ADAMTS19: variants seen among roughly 807,000 people sequenced by gnomAD.
ADAMTS19 encodes the protein ADAM metallopeptidase with thrombospondin type 1 motif 19.
A neutral mutation model predicts 153.3 loss-of-function variants in ADAMTS19; 93 were observed. That is an observed-to-expected ratio of 0.61 (90% confidence interval 0.51 to 0.72). ADAMTS19 has a LOEUF of 0.72. ADAMTS19 is among the 30% of genes least tolerant of loss of function. The pLI, the probability that ADAMTS19 is intolerant of heterozygous loss-of-function variation, is 0.00. For synonymous variants in ADAMTS19, 600 were observed against 556.6 expected (o/e 1.08, Z -1.10); for missense variants, 1,482 against 1,552.1 (o/e 0.95, Z 0.76).
intron 16 of ADAMTS19, among the ~76,000 whole-genome samples, chr5:129,674,964 G>A (rs1754490377): frequency 6.6e-6 from 1 of 151,858 alleles, no homozygotes; most frequent in Non-Finnish European, 1.5e-5. Context: ...AATTTTGTTT[G>A]TCTGAATATA....
At chr5:129,590,200 A>G (rs1750043661) in intron 7 of ADAMTS19, among the ~76,000 whole-genome samples, 1 of 152,174 alleles carries the variant, frequency 6.6e-6, no homozygotes, top group Non-Finnish European at 1.5e-5. Flanking sequence ...AATCAGTTAT[A>G]TATCTTATCT....
intron 21 of ADAMTS19, among the ~76,000 whole-genome samples, chr5:129,732,726 T>A (rs1237002191): frequency 6.6e-6 from 1 of 152,020 alleles, no homozygotes; most frequent in African/African-American, 2.4e-5. Context: ...ATCATTAAAA[T>A]GACCATACTA....
At chr5:129,681,591 C>G (rs894670310) in intron 17 of ADAMTS19, among the ~76,000 whole-genome samples, 13 of 152,212 alleles carry the variant, frequency 8.5e-5, no homozygotes, top group Admixed American at 4.6e-4. Flanking sequence ...TCAATGTGCT[C>G]AGTGTTGTCC....
intron 6 of ADAMTS19, among the ~76,000 whole-genome samples, chr5:129,539,774 C>T (rs908777022): frequency 6.6e-6 from 1 of 152,024 alleles, no homozygotes; most frequent in African/African-American, 2.4e-5. Context: ...AAAGTACTTG[C>T]TCTGTCAAAG....
At chr5:129,519,680 A>T (rs1033965108) in intron 3 of ADAMTS19, among the ~76,000 whole-genome samples, 1 of 151,208 alleles carries the variant, frequency 6.6e-6, no homozygotes, top group Non-Finnish European at 1.5e-5. Flanking sequence ...AAGCGGAAAG[A>T]TTTTTAAGAA....
At position 129,526,277 on chromosome 5, in the gene ADAMTS19, G is replaced by A. The variant is rs776150268; in HGVS notation, c.914-7G>A. On this transcript the variant is annotated splice_polypyrimidine_tract_variant and splice_region_variant and intron_variant, in intron 3 of 22. Transcript: ENST00000274487. ...GGTGCATTGAAAAATTCAATTCTCT[G>A]TTGCAGATAAAGGAAGACCTAGGTC... The A allele has an allele frequency of 3.2e-6, 5 of 1,555,606 alleles. No individual in the cohort carries two copies. In the African/African-American group the frequency reaches 7.0e-5, roughly 22 times the overall value.
chr5:129,719,767 G>T (rs755391458), intron 21 of ADAMTS19, among the ~76,000 whole-genome samples: 2 of 152,178 alleles, frequency 1.3e-5, no homozygotes, highest in African/African-American at 2.4e-5. Flanking sequence ...TCAGCTGGGC[G>T]CAGTGGCCCA....
At chr5:129,631,756 G>A (rs1752307808) in intron 10 of ADAMTS19, among the ~76,000 whole-genome samples, 1 of 151,742 alleles carries the variant, frequency 6.6e-6, no homozygotes, top group African/African-American at 2.4e-5. Context: ...TGAGCCTCTT[G>A]TAGTATAAGC....
Position 129,701,424 on chromosome 5 carries a change from T to C in ADAMTS19, c.2991T>C (p.Thr997=), listed in dbSNP as rs1270864187. 4 of 1,614,204 alleles carry C rather than the reference T, an allele frequency of 2.5e-6. No individual in the cohort carries two copies. The highest frequency in any genetic ancestry group is 2.2e-5 in the East Asian group (1 of 44,890). ...CAGAATGGACCCCTTGTTCACGAAC[T>C]TGTGGAAAAGGAATGCAGAGCAGAC... is the stretch of plus-strand genomic sequence containing the variant. ...MMTEWTPCSR[T]CGKGMQSRQV... The change falls in exon 20 of 23, where the codon ACT becomes ACC. Residue 997 remains threonine (T), a synonymous_variant. Coordinates refer to ENST00000274487, the MANE Select transcript of ADAMTS19 (RefSeq NM_133638.6).
chr5:129,690,876 T>C (rs1452258602), intron 18 of ADAMTS19, among the ~76,000 whole-genome samples: 1 of 152,002 alleles, frequency 6.6e-6, no homozygotes, highest in Non-Finnish European at 1.5e-5. Flanking sequence ...CCCACACACA[T>C]AGTCTCTGTC....
chr5:129,546,869 G>A (rs1752880461), intron 6 of ADAMTS19, among the ~76,000 whole-genome samples: 1 of 150,960 alleles, frequency 6.6e-6, no homozygotes, highest in Admixed American at 6.6e-5. Flanking sequence ...TCTAATTTTA[G>A]ATTTGAAAAA....
At chr5:129,525,112 T>C (rs1043579657) in intron 3 of ADAMTS19, among the ~76,000 whole-genome samples, 10 of 152,146 alleles carry the variant, frequency 6.6e-5, no homozygotes, top group Non-Finnish European at 1.5e-4. Flanking sequence ...TTAAAAATAG[T>C]GCCACTCTGA....
chr5:129,683,126 C>G (rs1298834450), intron 17 of ADAMTS19, among the ~76,000 whole-genome samples: 2 of 151,006 alleles, frequency 1.3e-5, no homozygotes, highest in Non-Finnish European at 2.9e-5. Context: ...ATCCTCAGAT[C>G]CATAGAAGTG....
At chr5:129,462,599 TTG>T (rs377473471) in intron 2 of ADAMTS19, among the ~76,000 whole-genome samples, 3 of 148,968 alleles carry the variant, frequency 2.0e-5, no homozygotes, top group Admixed American at 6.7e-5. Context: ...AAGTTGACCT[TTG>T]TGTGTGTGTG....
In ADAMTS19 at chr5:129,685,002, AG is replaced by A. The variant is rs1755015191; in HGVS notation, c.2818+730del. On this transcript the variant is annotated intron_variant, in intron 18 of 22. Transcript: ENST00000274487. ...ACTCCATTTCAGAAAAAAAAAGAAA[AG>A]AAAAAAAAAAAGAAGTCTGTGGAAT... Among the ~76,000 whole-genome samples the A allele has an allele frequency of 2.2e-5, 3 of 139,256 alleles. No individual in the cohort carries two copies. In the South Asian group the frequency reaches 6.7e-4, roughly 31 times the overall value. The allele number at this position is 139,256 out of a possible 152,430, so 91.4% of individuals were successfully genotyped here. A position where few individuals can be genotyped will look rare whatever the true frequency, so the allele number is the denominator to read the frequency against.
At chr5:129,685,146 A>G (rs1755022842) in intron 18 of ADAMTS19, among the ~76,000 whole-genome samples, 1 of 152,132 alleles carries the variant, frequency 6.6e-6, no homozygotes, top group African/African-American at 2.4e-5. Flanking sequence ...CTACAGATAA[A>G]GAATATATGG....
At chr5:129,465,387 T>C (rs1202134919) in intron 2 of ADAMTS19, among the ~76,000 whole-genome samples, 5 of 151,874 alleles carry the variant, frequency 3.3e-5, no homozygotes, top group Non-Finnish European at 7.4e-5. Context: ...TGGCCTATTT[T>C]TTTTTTAATG....
rs12517003 is a variant in ADAMTS19, at chr5:129,656,845, A to G, written c.2305-1772A>G. Among the ~76,000 whole-genome samples the G allele has an allele frequency of 2.8e-4, 42 of 152,364 alleles. 1 individual carries two copies. The highest frequency in any genetic ancestry group is 2.6e-3 in the Admixed American group (40 of 15,310). ...CTAAGAAACTACTAACTACCAACGT[A>G]TTTAATAGTTGAACTATTACTTACT... is the stretch of plus-strand genomic sequence containing the variant. On this transcript the variant is annotated intron_variant, in intron 14 of 22. Transcript: ENST00000274487.
At position 129,509,166 on chromosome 5, in the gene ADAMTS19, T is replaced by C; in HGVS notation, c.837T>C (p.Tyr279=). 2 of 1,612,346 alleles carry C rather than the reference T, an allele frequency of 1.2e-6. No individual in the cohort carries two copies. Among genetic ancestry groups the C allele is most frequent in the Non-Finnish European group, 1.7e-6 (2 of 1,178,826 alleles). Reference sequence around the variant, plus strand: ...TAACAGGTCACCCACACCGTGTATATAGGCAGAAAAGGTCCATGGAGGAAA... The same window carrying C: ...TAACAGGTCACCCACACCGTGTATACAGGCAGAAAAGGTCCATGGAGGAAA... The part of the protein sequence containing the change: ...MAITGHPHRV[Y]RQKRSMEEKV... The change falls in exon 3 of 23, where the codon TAT becomes TAC. Residue 279 remains tyrosine (Y), a synonymous_variant. Coordinates refer to ENST00000274487, the MANE Select transcript of ADAMTS19 (RefSeq NM_133638.6).
Sources: allele counts gnomAD v4.1 joint callset (sites outside exome capture counted in the v4.1 genomes callset), GRCh38; gene constraint gnomAD v4.1.1; transcripts MANE v1.5; gene names NCBI Gene and HGNC (gene_info 2026-07-23, HGNC 2026-07-21).